RGS6: variants seen among roughly 807,000 people sequenced by gnomAD.
RGS6 encodes regulator of G-protein signaling 6.
In RGS6, 30 loss-of-function variants were observed where a neutral mutation model predicts 78.5. That is an observed-to-expected ratio of 0.38 (90% CI 0.29 to 0.52). RGS6 has a LOEUF of 0.52. Among genes scored for constraint, RGS6 ranks in the 20% least tolerant of loss-of-function variants. The pLI, the probability that RGS6 is intolerant of heterozygous loss-of-function variation, is 0.85. For synonymous variants in RGS6, 206 were observed against 206.0 expected (o/e 1.00, Z 0.00); for missense variants, 495 against 609.7 (o/e 0.81, Z 1.98).
At chr14:71,917,780 A>G in the RGS6 span, among the ~76,000 whole-genome samples, 1 of 152,234 alleles carries the variant, frequency 6.6e-6, no homozygotes, top group Admixed American at 6.5e-5. Flanking sequence ...TCATTTAATG[A>G]TTCTCCCTGG....
intron 2 of RGS6, among the ~76,000 whole-genome samples, chr14:72,070,484 C>T (rs746074344): frequency 1.4e-4 from 21 of 152,254 alleles, no homozygotes; most frequent in Middle Eastern, 3.4e-3. Flanking sequence ...AGATTTGAGA[C>T]AGGCAAGTTT....
intron 2 of RGS6, among the ~76,000 whole-genome samples, chr14:72,010,863 C>G (rs1183413118): frequency 6.6e-6 from 1 of 152,068 alleles, no homozygotes; most frequent in African/African-American, 2.4e-5. Flanking sequence ...TTTCCTGTTC[C>G]TGGATTACAA....
the RGS6 span, among the ~76,000 whole-genome samples, chr14:71,895,378 G>A: frequency 4.0e-5 from 6 of 151,502 alleles, no homozygotes; most frequent in Admixed American, 1.3e-4. Context: ...GTAGAGACAG[G>A]GTTTCACCAT....
intron 3 of RGS6, among the ~76,000 whole-genome samples, chr14:72,424,188 C>A (rs2094334476): frequency 6.6e-6 from 1 of 152,100 alleles, no homozygotes; most frequent in Admixed American, 6.5e-5. Flanking sequence ...CCTGGAGTCA[C>A]AAGGGCAGGC....
the RGS6 span, among the ~76,000 whole-genome samples, chr14:72,611,879 C>CCTA: frequency 6.6e-6 from 1 of 152,084 alleles, no homozygotes; most frequent in South Asian, 2.1e-4. Flanking sequence ...AACAGAGAAA[C>CCTA]CTACATATAC....
At chr14:72,608,962 C>T in the RGS6 span, among the ~76,000 whole-genome samples, 5 of 152,352 alleles carry the variant, frequency 3.3e-5, no homozygotes, top group East Asian at 9.6e-4. Context: ...CATGAAAGGG[C>T]TCTACCCCCA....
chr14:72,053,256 G>A (rs531882569), intron 2 of RGS6, among the ~76,000 whole-genome samples: 1 of 150,402 alleles, frequency 6.6e-6, no homozygotes, highest in Admixed American at 6.7e-5. Flanking sequence ...AGTAGCTGGG[G>A]CTACAGCTGC....
intron 2 of RGS6, among the ~76,000 whole-genome samples, chr14:72,224,126 A>G (rs1456030743): frequency 6.6e-6 from 1 of 152,258 alleles, no homozygotes; most frequent in Non-Finnish European, 1.5e-5. Context: ...GCAACAAGCC[A>G]TAAGAAATGG....
At chr14:72,123,021 C>T (rs894773925) in intron 2 of RGS6, among the ~76,000 whole-genome samples, 2 of 152,180 alleles carry the variant, frequency 1.3e-5, no homozygotes, top group African/African-American at 4.8e-5. Flanking sequence ...GGCTGGAGTG[C>T]AGTGTCACAA....
chr14:72,015,761 G>A (rs553245636), intron 2 of RGS6, among the ~76,000 whole-genome samples: 5 of 152,136 alleles, frequency 3.3e-5, no homozygotes, highest in African/African-American at 4.8e-5. Flanking sequence ...TTGCTAATCC[G>A]ATTGGCACAG....
chr14:72,361,882 G>A (rs186391249), intron 3 of RGS6, among the ~76,000 whole-genome samples: 254 of 152,194 alleles, frequency 1.7e-3, no homozygotes, highest in Admixed American at 3.2e-3. Flanking sequence ...GTTAGTAGCA[G>A]GACAGTCACT....
At chr14:72,362,599 C>T (rs535218532) in intron 3 of RGS6, among the ~76,000 whole-genome samples, 2 of 152,242 alleles carry the variant, frequency 1.3e-5, no homozygotes, top group Admixed American at 6.5e-5. Context: ...CTTGTATCTG[C>T]CAATAGGTTA....
chr14:72,040,131 T>C (rs1339116578), intron 2 of RGS6, among the ~76,000 whole-genome samples: 8 of 152,176 alleles, frequency 5.3e-5, no homozygotes, highest in African/African-American at 1.9e-4. Context: ...TAAGCTTTTA[T>C]CTTTTAAATT....
chr14:72,599,724 A>G, the RGS6 span, among the ~76,000 whole-genome samples: 3 of 151,712 alleles, frequency 2.0e-5, no homozygotes, highest in Non-Finnish European at 4.4e-5. Context: ...GCGCCTGGCC[A>G]GAGTCTGCAA....
intron 12 of RGS6, among the ~76,000 whole-genome samples, chr14:72,485,735 A>G (rs2096476569): frequency 1.3e-5 from 2 of 152,184 alleles, no homozygotes; most frequent in Admixed American, 6.5e-5. Flanking sequence ...GGGCTGTGGA[A>G]TTGAACCCTG....
intron 3 of RGS6, among the ~76,000 whole-genome samples, chr14:72,437,772 G>T (rs924397875): frequency 2.6e-5 from 4 of 152,170 alleles, no homozygotes; most frequent in African/African-American, 9.7e-5. Context: ...CCACCCCGCA[G>T]TCTTCCAGCA....
chr14:72,413,519 C>A (rs1270496832), intron 3 of RGS6, among the ~76,000 whole-genome samples: 1 of 152,116 alleles, frequency 6.6e-6, no homozygotes, highest in Admixed American at 6.5e-5. Flanking sequence ...TGACTCTATC[C>A]AATTTGCCAG....
At chr14:71,868,681 G>A in the RGS6 span, among the ~76,000 whole-genome samples, 17,154 of 152,176 alleles carry the variant, frequency 0.11, 1,242 homozygotes, top group East Asian at 0.27. Flanking sequence ...AGTCTCACCT[G>A]TCCTTGGGAC....
At chr14:72,153,698 G>T (rs1406115030) in intron 2 of RGS6, among the ~76,000 whole-genome samples, 2 of 152,164 alleles carry the variant, frequency 1.3e-5, no homozygotes, top group African/African-American at 2.4e-5. Context: ...TTTTATTAAG[G>T]ATTTCAAAAG....
Sources: allele counts gnomAD v4.1 joint callset (sites outside exome capture counted in the v4.1 genomes callset), GRCh38; gene constraint gnomAD v4.1.1; transcripts MANE v1.5; gene names NCBI Gene and HGNC (gene_info 2026-07-23, HGNC 2026-07-21).